Variants in ROBO2 observed in about 807,000 individuals in gnomAD.
The protein encoded by ROBO2 is roundabout guidance receptor 2.
In ROBO2, 53 loss-of-function variants were observed where a neutral mutation model predicts 160.8. The ratio of observed to expected loss-of-function variants is 0.33; its 90% CI spans 0.26 to 0.41. The LOEUF (loss-of-function observed/expected upper bound fraction) is 0.41, where lower values mean the gene tolerates loss of function less well. ROBO2 is among the 10% of genes least tolerant of loss of function. The pLI, the probability that ROBO2 is intolerant of heterozygous loss-of-function variation, is 1.00. For synonymous variants in ROBO2, 664 were observed against 611.7 expected (o/e 1.09, Z -1.26); for missense variants, 1,577 against 1,722.4 (o/e 0.92, Z 1.49).
In ROBO2 at chr3:76,634,766, G is replaced by A. The variant is rs138673339; in HGVS notation, c.110-463248G>A. On this transcript the variant is annotated intron_variant, in intron 2 of 26. Transcript: ENST00000487694. ...TAACATAGAAGCCCCCAACCCCAGAGCACCAGACTGATACCAGTAAGTGGC... is the reference window on the plus strand; with the variant it reads ...TAACATAGAAGCCCCCAACCCCAGAACACCAGACTGATACCAGTAAGTGGC... Among the ~76,000 whole-genome samples, 474 of 152,306 alleles carry A rather than the reference G, an allele frequency of 3.1e-3. 1 individual carries two copies. The highest frequency in any genetic ancestry group is 5.7e-3 in the Non-Finnish European group (387 of 68,030).
intron 6 of ROBO2, among the ~76,000 whole-genome samples, chr3:77,538,071 G>A (rs773576476): frequency 1.3e-5 from 2 of 150,582 alleles, no homozygotes; most frequent in Non-Finnish European, 2.9e-5. Context: ...GGCAAAGAAA[G>A]TGTATCACTC....
intron 2 of ROBO2, among the ~76,000 whole-genome samples, chr3:77,323,158 A>G (rs1047204235): frequency 1.3e-5 from 2 of 148,798 alleles, no homozygotes; most frequent in Non-Finnish European, 3.0e-5. Flanking sequence ...CTTGTATCAA[A>G]TAGTGTTTTA....
chr3:77,607,700 G>T, intron 20 of ROBO2, 98 bp from the exon 22 acceptor site: 1 of 1,062,554 alleles, frequency 9.4e-7, no homozygotes, highest in South Asian at 1.3e-5. Context: ...CCAACATACT[G>T]ATTCTGGTGT....
At chr3:76,468,591 T>G (rs2078482168) in intron 2 of ROBO2, among the ~76,000 whole-genome samples, 1 of 152,076 alleles carries the variant, frequency 6.6e-6, no homozygotes, top group Non-Finnish European at 1.5e-5. Context: ...TTGTCCTTAT[T>G]ATTTAACTAA....
intron 2 of ROBO2, among the ~76,000 whole-genome samples, chr3:76,961,052 C>T (rs1353269052): frequency 2.0e-5 from 3 of 151,758 alleles, no homozygotes; most frequent in Non-Finnish European, 4.4e-5. Context: ...AATGTGGGAA[C>T]ACTCAATAAG....
intron 2 of ROBO2, among the ~76,000 whole-genome samples, chr3:76,203,605 A>G (rs867880163): frequency 1.4e-5 from 2 of 140,422 alleles, no homozygotes; most frequent in African/African-American, 5.5e-5. Context: ...CCGTCAAGAG[A>G]TCACAGGTCA....
chr3:77,223,460 CT>C (rs1331758218), intron 2 of ROBO2, among the ~76,000 whole-genome samples: 1 of 152,080 alleles, frequency 6.6e-6, no homozygotes, highest in Non-Finnish European at 1.5e-5. Flanking sequence ...TGTCAGTTTG[CT>C]TCCTTGAAAT....
chr3:76,694,203 T>G (rs1480498333), intron 2 of ROBO2, among the ~76,000 whole-genome samples: 1 of 152,208 alleles, frequency 6.6e-6, no homozygotes, highest in African/African-American at 2.4e-5. Context: ...CTACTGAATG[T>G]TAGCATGATA....
intron 2 of ROBO2, among the ~76,000 whole-genome samples, chr3:76,616,939 T>A (rs1304682491): frequency 6.6e-6 from 1 of 152,116 alleles, no homozygotes; most frequent in Non-Finnish European, 1.5e-5. Flanking sequence ...AAGTTCTTAT[T>A]GTGGCTCAGT....
At chr3:77,140,131 C>A (rs754178708) in intron 2 of ROBO2, among the ~76,000 whole-genome samples, 1 of 152,168 alleles carries the variant, frequency 6.6e-6, no homozygotes, top group East Asian at 1.9e-4. Flanking sequence ...GAACTGTGAG[C>A]GTCCTGATTG....
chr3:76,081,396 A>G (rs900285354), intron 2 of ROBO2, among the ~76,000 whole-genome samples: 98 of 152,278 alleles, frequency 6.4e-4, no homozygotes, highest in Non-Finnish European at 3.8e-4. Context: ...TCATGCCTCA[A>G]CAAAAGAATA....
intron 2 of ROBO2, among the ~76,000 whole-genome samples, chr3:77,208,255 A>G (rs1579985945): frequency 6.6e-6 from 1 of 152,196 alleles, no homozygotes; most frequent in Admixed American, 6.5e-5. Flanking sequence ...AAAGTTATGA[A>G]TATATTTCTT....
At chr3:76,780,845 G>GTGTAA (rs1432554992) in intron 2 of ROBO2, among the ~76,000 whole-genome samples, 1 of 150,552 alleles carries the variant, frequency 6.6e-6, no homozygotes, top group Non-Finnish European at 1.5e-5. Flanking sequence ...AAATCAGAAA[G>GTGTAA]TGTAATGTTT....
At chr3:77,204,328 T>C (rs186236324) in intron 2 of ROBO2, among the ~76,000 whole-genome samples, 258 of 152,322 alleles carry the variant, frequency 1.7e-3, no homozygotes, top group Non-Finnish European at 2.6e-3. Context: ...CAAAATATGC[T>C]ACTTTTATTT....
chr3:77,064,655 C>G (rs1048174127), intron 1 of ROBO2, among the ~76,000 whole-genome samples: 1 of 152,148 alleles, frequency 6.6e-6, no homozygotes, highest in African/African-American at 2.4e-5. Flanking sequence ...CCAACACACC[C>G]AGCCTATAAA....
At chr3:76,385,559 C>T (rs893918796) in intron 2 of ROBO2, among the ~76,000 whole-genome samples, 5 of 152,134 alleles carry the variant, frequency 3.3e-5, no homozygotes, top group Admixed American at 1.3e-4. Context: ...GTATGGAAAG[C>T]GTACCCGCAA....
chr3:77,070,589 A>G (rs917340050), intron 1 of ROBO2, among the ~76,000 whole-genome samples: 3 of 152,286 alleles, frequency 2.0e-5, no homozygotes, highest in Admixed American at 2.0e-4. Context: ...AGGGGGACAC[A>G]CTATTCAACC....
intron 2 of ROBO2, among the ~76,000 whole-genome samples, chr3:77,145,763 A>G (rs956755111): frequency 1.3e-5 from 2 of 152,202 alleles, no homozygotes; most frequent in Non-Finnish European, 2.9e-5. Flanking sequence ...CTGTCACAGC[A>G]AATGCCATGG....
At chr3:77,050,855 G>GA (rs534874803) in intron 1 of ROBO2, among the ~76,000 whole-genome samples, 107 of 136,056 alleles carry the variant, frequency 7.9e-4, no homozygotes, top group East Asian at 1.1e-3. Context: ...CAAAAAAAAA[G>GA]AAAAAAAAAA....
Sources: gnomAD v4.1 joint callset for allele counts (sites outside exome capture counted in the v4.1 genomes callset) on GRCh38, gnomAD v4.1.1 for gene constraint, MANE v1.5 for transcripts, NCBI Gene and HGNC (gene_info 2026-07-23, HGNC 2026-07-21) for gene names.